Variants in MYH6 observed in about 807,000 individuals in gnomAD.
MYH6 encodes the protein myosin-6.
In MYH6, 126 loss-of-function variants were observed where a neutral mutation model predicts 223.2. The observed-to-expected ratio is 0.56, with a 90% CI of 0.49 to 0.65. The LOEUF is 0.65. Ranked by LOEUF, MYH6 falls within the 30% of genes least tolerant of loss-of-function variation. The probability of loss-of-function intolerance (pLI) is 0.00; values close to 1 mark genes in which losing one functional copy is unlikely to be tolerated. For missense variants in MYH6, 2,040 were observed against 2,536.4 expected, an observed-to-expected ratio of 0.80 and a Z score of 4.20; for synonymous variants, 978 against 1,010.2, an observed-to-expected ratio of 0.97 and a Z score of 0.61.
Position 23,393,026 on chromosome 14 carries a change from A to T in MYH6, c.3137T>A (p.Val1046Glu). The change falls in exon 24 of 39, where the codon GTG (valine) becomes GAG (glutamate). Residue 1046 changes from valine to glutamate, a missense_variant. Physicochemically the swap from Val to Glu is moderately radical, Grantham distance 121. Coordinates refer to ENST00000405093, the MANE Select transcript of MYH6 (RefSeq NM_002471.4). ...LEGSLEQEKK[V>E]RMDLERAKRK... ...CTTTGCTCGCTCCAGGTCCATGCGC[A>T]CCTTCTTCTCTTGCTCTAGGGATCC... The T allele has an allele frequency of 1.2e-6, 2 of 1,614,156 alleles. No homozygotes were observed. Among genetic ancestry groups the T allele is most frequent in the Non-Finnish European group, 1.7e-6 (2 of 1,180,022 alleles).
rs775971647 is a variant in MYH6 at position 23,384,438 on chromosome 14, G to A, written c.5565+4C>T. On this transcript the variant is annotated splice_donor_region_variant and intron_variant, in intron 36 of 38. Coordinates refer to ENST00000405093, the MANE Select transcript of MYH6 (RefSeq NM_002471.4). ...CTACTCCTGGTGTCTGGCGTCCGCC[G>A]CACCTGGTAGGTGAGCTCCTTGATG... 4.3e-6 allele frequency: 7 copies of A among 1,609,508 alleles called. No individual in the cohort carries two copies. The highest frequency in any genetic ancestry group is 3.4e-6 in the Non-Finnish European group (4 of 1,180,004).
chr14:23,386,148 T>G lies in MYH6; in HGVS notation c.4960-17A>C, dbSNP rs28730764. 1 of 1,613,188 alleles carries G rather than the reference T, an allele frequency of 6.2e-7. No homozygotes were observed. Among genetic ancestry groups the G allele is most frequent in the Non-Finnish European group, 8.5e-7 (1 of 1,179,748 alleles). ...CTGGGTGTCCTGAGCATCAGGAGAG[T>G]GGGTGTGAGCAGAAGCCAGCCTCGG... On this transcript the variant is annotated splice_polypyrimidine_tract_variant and intron_variant, in intron 33 of 38. Transcript: ENST00000405093.
In MYH6 at chr14:23,407,702, C is replaced by T. The variant is rs180878674; in HGVS notation, c.-46-94G>A. 1.1e-4 allele frequency: 102 copies of T among 952,978 alleles called. No homozygotes were observed. The highest frequency in any genetic ancestry group is 3.4e-4 in the East Asian group (4 of 11,820). 59.0% of individuals were successfully genotyped at this position (952,978 alleles called of 1,614,324 possible). A position where few individuals can be genotyped will look rare whatever the true frequency, so the allele number is the denominator to read the frequency against. On this transcript the variant is annotated intron_variant, in intron 1 of 38. Coordinates refer to ENST00000405093, the MANE Select transcript of MYH6 (RefSeq NM_002471.4). The surrounding 1 kb of genome is among the most constrained non-coding windows in gnomAD (Gnocchi z 5.6). ...TGAAGAACAACAGAGGCAGGCCACC[C>T]GGGGATGGAGGCAGCCCCAGAGCGC...
intron 32 of MYH6, 45 bp from the exon 33 acceptor site, chr14:23,386,668 G>C: frequency 6.4e-7 from 1 of 1,566,046 alleles, no homozygotes; most frequent in Non-Finnish European, 8.7e-7. Context: ...GCACAGGGCA[G>C]GGTTGAGAGG....
In MYH6 at chr14:23,392,931, G is replaced by T; in HGVS notation, c.3232C>A (p.Leu1078Met). Residue 1078 changes from leucine to methionine, a missense_variant, in exon 24 of 39, where the codon CTG (leucine) becomes ATG (methionine). Transcript: ENST00000405093. ...IMDLENDKLQLEEKLKKKEFD... is the reference protein window; with the variant it reads ...IMDLENDKLQMEEKLKKKEFD... ...TCCTACTTCTTAAGCTTTTCTTCCA[G>T]CTGCAGTTTATCATTTTCCAGGTCC... 6.2e-7 allele frequency: 1 copy of T among 1,614,068 alleles called. No homozygotes were observed. The highest frequency in any genetic ancestry group is 1.1e-5 in the South Asian group (1 of 91,080).
intron 7 of MYH6, 23 bp from the exon 8 acceptor site, chr14:23,404,411 T>C (rs760291421): frequency 1.2e-6 from 2 of 1,612,912 alleles, no homozygotes; most frequent in East Asian, 4.5e-5. Flanking sequence ...CAGAACTGCA[T>C]GGGTTCATCC....
intron 16 of MYH6, 52 bp from the exon 17 acceptor site, chr14:23,397,309 G>A: frequency 1.3e-6 from 2 of 1,545,788 alleles, no homozygotes; most frequent in Non-Finnish European, 1.8e-6. Context: ...CATCCCTTAG[G>A]CCCTTAAACC....
intron 15 of MYH6, among the ~76,000 whole-genome samples, chr14:23,397,928 C>T (rs1427714102): frequency 1.5e-5 from 2 of 132,908 alleles, no homozygotes; most frequent in African/African-American, 6.5e-5. Context: ...TCCTCCTCCT[C>T]CTCCTCTTCT....
In MYH6 at chr14:23,405,534, G is replaced by A; in HGVS notation, c.345+93C>T. ...GGGGAAGGGGACTTGGGTCCCTTGG[G>A]AGTCTCTCCCCCTCTTCTTGGGAGA... On this transcript the variant is annotated intron_variant, in intron 4 of 38. Transcript: ENST00000405093. This position sits in a 1 kb window ranked among gnomAD's most constrained non-coding sequence, Gnocchi z 4.7. The A allele has an allele frequency of 6.2e-7, 1 of 1,601,408 alleles. No individual in the cohort carries two copies.
chr14:23,387,613 T>C lies in MYH6; in HGVS notation c.4566A>G (p.Gly1522=), dbSNP rs1595050543. The C allele has an allele frequency of 6.2e-7, 1 of 1,613,880 alleles. No individual in the cohort carries two copies. The highest frequency in any genetic ancestry group is 8.5e-7 in the Non-Finnish European group (1 of 1,180,004). Residue 1522 remains glycine (G), a synonymous_variant, in exon 32 of 39, where the codon GGA becomes GGG. Transcript: ENST00000405093. ...CCTTCTCCAGCTCATGCACATTCTT[T>C]CCTCCTTCTCCTAGCTGCTCAGTAA... ...SDLTEQLGEG[G]KNVHELEKVR... is the part of the protein sequence containing the mutation.
At position 23,407,520 on chromosome 14, in the gene MYH6, G is replaced by A. The variant is rs975599433; in HGVS notation, c.-14+56C>T. The A allele has an allele frequency of 4.0e-5, 52 of 1,306,870 alleles. No individual in the cohort carries two copies. The highest frequency in any genetic ancestry group is 4.6e-5 in the Non-Finnish European group (47 of 1,017,330). The allele number at this position is 1,306,870 out of a possible 1,614,324, so 81.0% of individuals were successfully genotyped here. On this transcript the variant is annotated intron_variant, in intron 2 of 38. Coordinates refer to ENST00000405093, the MANE Select transcript of MYH6 (RefSeq NM_002471.4). The surrounding 1 kb of genome is among the most constrained non-coding windows in gnomAD (Gnocchi z 5.6). Reference sequence around the variant, plus strand: ...CAGCAGACCCCTGGTCCAGCAATCCGGCTCCCAGGAGAAGCATGCCCCAGT... The same window carrying A: ...CAGCAGACCCCTGGTCCAGCAATCCAGCTCCCAGGAGAAGCATGCCCCAGT...
chr14:23,403,589 G>A (rs1249808184), intron 9 of MYH6, 126 bp downstream of exon 9: 1 of 1,184,886 alleles, frequency 8.4e-7, no homozygotes, highest in African/African-American at 1.5e-5. Flanking sequence ...AAATAAAAAG[G>A]ATCCTAAAGC....
intron 36 of MYH6, 21 bp from the exon 37 acceptor site, chr14:23,383,341 G>GGGGGGGGGGGGGGCCCCCCCCCCCCCC: frequency 1.8e-6 from 1 of 556,582 alleles, no homozygotes; most frequent in Non-Finnish European, 3.3e-6. Context: ...GAGGGTGGGA[G>GGGGGGGGGGGGGGCCCCCCCCCCCCCC]AAGCTGGTTT....
chr14:23,389,651 C>T lies in MYH6; in HGVS notation c.3801G>A (p.Glu1267=), dbSNP rs1344804774. ...QANEYRVKLE[E]AQRSLNDFTT... Reference sequence around the variant, plus strand: ...TGAAATCATTGAGGGAGCGTTGGGCCTCTTCTAGCTTCACGCGGTACTCAT... The same window carrying T: ...TGAAATCATTGAGGGAGCGTTGGGCTTCTTCTAGCTTCACGCGGTACTCAT... Residue 1267 remains glutamate, a synonymous_variant, in exon 27 of 39, where the codon GAG becomes GAA. Transcript: ENST00000405093. 1.2e-6 allele frequency: 2 copies of T among 1,614,046 alleles called. No individual in the cohort carries two copies. Among genetic ancestry groups the T allele is most frequent in the African/African-American group, 1.3e-5 (1 of 74,906 alleles).
At chr14:23,388,543 G>A in intron 29 of MYH6, 2 of 909,670 alleles carry the variant, frequency 2.2e-6, no homozygotes, top group Non-Finnish European at 3.7e-6. Context: ...GCATCTGGGT[G>A]TCAGTGCCCC....
intron 36 of MYH6, 80 bp downstream of exon 36, chr14:23,384,362 G>A (rs1314297581): frequency 1.3e-6 from 2 of 1,592,236 alleles, no homozygotes; most frequent in Admixed American, 1.7e-5. Context: ...GAGGAGGTGA[G>A]AGGAGCCCTG....
chr14:23,397,926 CTCCTCCTCTTCTTCT>C (rs1891448302), intron 15 of MYH6, among the ~76,000 whole-genome samples: 1 of 126,646 alleles, frequency 7.9e-6, no homozygotes, highest in African/African-American at 3.4e-5. Flanking sequence ...CCTCCTCCTC[CTCCTCCTCTTCTTCT>C]TCTTCTTCTT....
intron 10 of MYH6, 82 bp downstream of exon 10, chr14:23,403,266 A>G: frequency 8.6e-7 from 1 of 1,161,456 alleles, no homozygotes; most frequent in Non-Finnish European, 1.3e-6. Context: ...AGTGGGGAGC[A>G]GGAGGGCCCT....
intron 30 of MYH6, 68 bp from the exon 31 acceptor site, chr14:23,387,991 G>T: frequency 6.2e-7 from 1 of 1,606,762 alleles, no homozygotes. Context: ...GCTTCCCAGT[G>T]CCCCAGCCCC....
Sources: gnomAD v4.1 joint callset for allele counts (sites outside exome capture counted in the v4.1 genomes callset) on GRCh38, gnomAD v4.1.1 for gene constraint, Gnocchi (gnomAD v3.1) non-coding constraint, MANE v1.5 for transcripts, NCBI Gene and HGNC (gene_info 2026-07-23, HGNC 2026-07-21) for gene names.